The following BNIP2 variants were observed in gnomAD, a reference collection of about 807,000 sequenced individuals.
BNIP2 encodes the protein BCL2 interacting protein 2, also known as BCL2/adenovirus E1B 19 kDa protein-interacting protein 2.
In BNIP2, 36 loss-of-function variants were observed where a neutral mutation model predicts 43.4. That is an observed-to-expected ratio of 0.83 (90% CI 0.64 to 1.10). The LOEUF (loss-of-function observed/expected upper bound fraction) is 1.10, where lower values mean the gene tolerates loss of function less well. Ranked by LOEUF, BNIP2 falls within the 50% of genes least tolerant of loss-of-function variation. BNIP2 has a pLI of 0.00. For synonymous variants in BNIP2, 146 were observed against 121.0 expected (o/e 1.21, Z -1.35); for missense variants, 417 against 374.1 (o/e 1.11, Z -0.95).
chr15:59,688,601 C>T lies in BNIP2; in HGVS notation c.-58+534G>A. The T allele has an allele frequency of 4.5e-6, 5 of 1,116,918 alleles. No individual in the cohort carries two copies. In the South Asian group the frequency reaches 5.5e-5, roughly 12 times the overall value. 69.2% of individuals were successfully genotyped at this position (1,116,918 alleles called of 1,614,324 possible). A position where few individuals can be genotyped will look rare whatever the true frequency, so the allele number is the denominator to read the frequency against. On this transcript the variant is annotated intron_variant, in intron 1 of 9. Coordinates refer to ENST00000607373, the MANE Select transcript of BNIP2 (RefSeq NM_004330.4). ...GGTATTTAAACAGAAAGGGTTGTGTCTAGATTCACGCGGGGACTCGGCTTT... is the reference window on the plus strand; with the variant it reads ...GGTATTTAAACAGAAAGGGTTGTGTTTAGATTCACGCGGGGACTCGGCTTT...
intron 5 of BNIP2, among the ~76,000 whole-genome samples, chr15:59,673,961 G>A (rs1327118618): frequency 6.6e-6 from 1 of 151,630 alleles, no homozygotes; most frequent in Non-Finnish European, 1.5e-5. Context: ...GTGGTGGTGT[G>A]CACCTGTAGT....
Position 59,679,576 on chromosome 15 carries a change from A to T in BNIP2, c.295+16T>A. On this transcript the variant is annotated intron_variant, in intron 4 of 9. Coordinates refer to ENST00000607373, the MANE Select transcript of BNIP2 (RefSeq NM_004330.4). ...TACATTAATAAAGATCAGATTAAAA[A>T]CAGTGAAACATTTACCTTCCCACTC... The T allele has an allele frequency of 6.2e-7, 1 of 1,607,892 alleles. No homozygotes were observed. Among genetic ancestry groups the T allele is most frequent in the Non-Finnish European group, 8.5e-7 (1 of 1,176,892 alleles).
rs200239820 is a variant in BNIP2 at position 59,677,991 on chromosome 15, C to T, written c.392G>A (p.Arg131His). ...GTCCTGTTCTCCAATCCTGAACATA[C>T]GCCAGCGTCGTCCATCTTCTTTTTC... ...AEEKEDGRRW[R>H]MFRIGEQDHR... The change falls in exon 5 of 10, where the codon CGT becomes CAT. Residue 131 changes from arginine to histidine, a missense_variant. By Grantham distance (29) the Arg-to-His change is conservative. Transcript: ENST00000607373. The T allele has an allele frequency of 1.2e-4, 192 of 1,613,974 alleles. No homozygotes were observed. The highest frequency in any genetic ancestry group is 1.6e-4 in the Middle Eastern group (1 of 6,062).
At chr15:59,673,311 T>C (rs1893053249) in intron 5 of BNIP2, among the ~76,000 whole-genome samples, 1 of 151,762 alleles carries the variant, frequency 6.6e-6, no homozygotes, top group Admixed American at 6.6e-5. Flanking sequence ...AGATGGGGTT[T>C]CACTAAGTTG....
chr15:59,679,461 A>G (rs1216598808), intron 4 of BNIP2, 131 bp downstream of exon 4: 5 of 1,086,098 alleles, frequency 4.6e-6, no homozygotes, highest in Non-Finnish European at 6.4e-6. Context: ...TAAGTCCTTG[A>G]GAATATTCAA....
chr15:59,684,606 G>C (rs6151461), intron 1 of BNIP2, among the ~76,000 whole-genome samples: 50,192 of 152,030 alleles, frequency 0.33, 8,624 homozygotes, highest in East Asian at 0.54. Context: ...CTGAAAACTG[G>C]TAAGTCTTTT....
At chr15:59,683,407 T>C (rs1893817778) in intron 1 of BNIP2, among the ~76,000 whole-genome samples, 2 of 152,238 alleles carry the variant, frequency 1.3e-5, no homozygotes, top group Non-Finnish European at 2.9e-5. Context: ...TCAATAGATG[T>C]CTAAAGTTAT....
At chr15:59,671,445 G>A (rs1460587730) in intron 6 of BNIP2, 131 bp from the exon 7 acceptor site, 5 of 648,636 alleles carry the variant, frequency 7.7e-6, no homozygotes, top group Admixed American at 3.4e-5. Context: ...TGCTCAAACC[G>A]CATTAGCTAG....
chr15:59,669,202 A>C, intron 8 of BNIP2, 74 bp downstream of exon 8: 1 of 1,148,816 alleles, frequency 8.7e-7, no homozygotes, highest in Admixed American at 2.9e-5. Context: ...ATAAGTATGT[A>C]TAGTTATTAT....
At chr15:59,681,681 A>C (rs998084323) in intron 2 of BNIP2, among the ~76,000 whole-genome samples, 5 of 152,024 alleles carry the variant, frequency 3.3e-5, no homozygotes, top group African/African-American at 1.2e-4. Context: ...TCCTGGCCTC[A>C]AGTGATCTGC....
rs1380535078 is a variant in BNIP2, at chr15:59,679,589, T to A, written c.295+3A>T. 1 of 1,611,272 alleles carries A rather than the reference T, an allele frequency of 6.2e-7. No individual in the cohort carries two copies. Among genetic ancestry groups the A allele is most frequent in the Non-Finnish European group, 8.5e-7 (1 of 1,178,762 alleles). On this transcript the variant is annotated splice_donor_region_variant and intron_variant, in intron 4 of 9. Coordinates refer to ENST00000607373, the MANE Select transcript of BNIP2 (RefSeq NM_004330.4). ...ATCAGATTAAAAACAGTGAAACATT[T>A]ACCTTCCCACTCAAACTCATTACTA...
At chr15:59,675,041 G>A (rs1161353796) in intron 5 of BNIP2, among the ~76,000 whole-genome samples, 1 of 151,902 alleles carries the variant, frequency 6.6e-6, no homozygotes, top group East Asian at 1.9e-4. Flanking sequence ...ACAAGGTCAG[G>A]AGTTCGAGAC....
Position 59,682,479 on chromosome 15 carries a change from A to C in BNIP2, c.-22T>G. 6.2e-7 allele frequency: 1 copy of C among 1,613,604 alleles called. No homozygotes were observed. Among genetic ancestry groups the C allele is most frequent in the African/African-American group, 1.3e-5 (1 of 75,000 alleles). On this transcript the variant is annotated 5_prime_UTR_variant, in exon 2 of 10. Transcript: ENST00000607373. ...CCATCCTCAGCCTGGATTCAATGTC[A>C]ACTACAAACTCTTGATAATCCAGGG...
intron 7 of BNIP2, among the ~76,000 whole-genome samples, chr15:59,670,657 G>C (rs150360142): frequency 6.9e-4 from 105 of 152,174 alleles, no homozygotes; most frequent in African/African-American, 2.4e-3. Context: ...AAGAATTAAG[G>C]TTATTCTTTA....
rs902157947 is a variant in BNIP2 at position 59,662,625 on chromosome 15, T to C, written c.*1444A>G. 2 of 152,254 alleles carry C rather than the reference T, an allele frequency of 1.3e-5. No individual in the cohort carries two copies. Among genetic ancestry groups the C allele is most frequent in the Non-Finnish European group, 2.9e-5 (2 of 68,050 alleles). 9.4% of individuals were successfully genotyped at this position (152,254 alleles called of 1,614,324 possible). A position where few individuals can be genotyped will look rare whatever the true frequency, so the allele number is the denominator to read the frequency against. ...ACATGAGAATGGTCACAGCCACATG[T>C]GTGTTCAATCTAGGATAGACTAAAT... On this transcript the variant is annotated 3_prime_UTR_variant, in exon 10 of 10. Coordinates refer to ENST00000607373, the MANE Select transcript of BNIP2 (RefSeq NM_004330.4).
intron 5 of BNIP2, among the ~76,000 whole-genome samples, chr15:59,673,422 GC>G (rs1209259422): frequency 2.0e-4 from 30 of 152,018 alleles, no homozygotes; most frequent in Non-Finnish European, 3.8e-4. Flanking sequence ...CAAAGTGGGT[GC>G]TTTTTTAAAT....
At chr15:59,688,591 A>C (rs1323671415) in intron 1 of BNIP2, 1 of 990,132 alleles carries the variant, frequency 1.0e-6, no homozygotes, top group Non-Finnish European at 1.5e-6. Flanking sequence ...TTAAACAGAA[A>C]GGGTTGTGTC....
At chr15:59,685,190 G>C (rs1036748866) in intron 1 of BNIP2, among the ~76,000 whole-genome samples, 3 of 152,192 alleles carry the variant, frequency 2.0e-5, no homozygotes, top group Non-Finnish European at 4.4e-5. Context: ...AATGGAACAA[G>C]TTTGTCTCTG....
intron 6 of BNIP2, 99 bp downstream of exon 6, chr15:59,672,538 C>T: frequency 2.3e-6 from 2 of 866,684 alleles, no homozygotes; most frequent in South Asian, 3.7e-5. Context: ...TCCCAAAGAA[C>T]TGGAATATTT....
Sources: allele counts gnomAD v4.1 joint callset (sites outside exome capture counted in the v4.1 genomes callset), GRCh38; gene constraint gnomAD v4.1.1; transcripts MANE v1.5; gene names NCBI Gene and HGNC (gene_info 2026-07-23, HGNC 2026-07-21).